Variants in UNC5C observed in about 807,000 individuals in gnomAD.
The protein encoded by UNC5C is unc-5 netrin receptor C.
In UNC5C, 47 loss-of-function variants were observed where a neutral mutation model predicts 99.8. The observed-to-expected ratio is 0.47, with a 90% confidence interval of 0.37 to 0.60. The LOEUF is 0.60. UNC5C is among the 20% of genes least tolerant of loss of function. The pLI is 0.00. For missense variants in UNC5C, 1,062 were observed against 1,165.9 expected, an observed-to-expected ratio of 0.91 and a Z score of 1.30; for synonymous variants, 487 against 452.2, an observed-to-expected ratio of 1.08 and a Z score of -0.98.
At chr4:95,229,797 CTTTTTT>C (rs71583694) in intron 7 of UNC5C, among the ~76,000 whole-genome samples, 278 of 79,508 alleles carry the variant, frequency 3.5e-3, no homozygotes, top group African/African-American at 0.015. Context: ...CTGTTGTTTC[CTTTTTT>C]TTTTTTTTTT....
chr4:95,268,951 G>A (rs935192202), intron 4 of UNC5C, among the ~76,000 whole-genome samples: 12 of 152,130 alleles, frequency 7.9e-5, no homozygotes, highest in African/African-American at 2.9e-4. Context: ...AGCAATTATG[G>A]GGCTATTATC....
chr4:95,486,847 C>CA (rs1721341304), intron 1 of UNC5C, among the ~76,000 whole-genome samples: 2 of 151,380 alleles, frequency 1.3e-5, no homozygotes, highest in Admixed American at 6.6e-5. Flanking sequence ...TGTGTCCCAC[C>CA]AAAAAACCAT....
intron 4 of UNC5C, among the ~76,000 whole-genome samples, chr4:95,262,712 T>C (rs908130524): frequency 6.6e-6 from 1 of 152,148 alleles, no homozygotes; most frequent in African/African-American, 2.4e-5. Flanking sequence ...TGATGACCAA[T>C]GGAAATTTTT....
chr4:95,491,584 C>T (rs538804328), intron 1 of UNC5C, among the ~76,000 whole-genome samples: 8 of 151,678 alleles, frequency 5.3e-5, no homozygotes, highest in African/African-American at 1.7e-4. Flanking sequence ...ATCCTGATTC[C>T]TTCACCCGCT....
chr4:95,350,877 G>A (rs1313439338), intron 1 of UNC5C, among the ~76,000 whole-genome samples: 2 of 152,100 alleles, frequency 1.3e-5, no homozygotes, highest in African/African-American at 4.8e-5. Context: ...TTTTGTAGCT[G>A]TGATTGAGAC....
At chr4:95,537,877 A>G (rs1435960750) in intron 1 of UNC5C, among the ~76,000 whole-genome samples, 2 of 152,130 alleles carry the variant, frequency 1.3e-5, no homozygotes, top group Non-Finnish European at 2.9e-5. Context: ...TAGTTTCAAA[A>G]TACACTGAAA....
intron 3 of UNC5C, among the ~76,000 whole-genome samples, chr4:95,278,868 A>G (rs1740954816): frequency 6.6e-6 from 1 of 152,204 alleles, no homozygotes; most frequent in South Asian, 2.1e-4. Context: ...TTCAGAGGTT[A>G]TGAACTGTTC....
At chr4:95,182,198 T>C (rs1736638394) in intron 14 of UNC5C, among the ~76,000 whole-genome samples, 1 of 152,114 alleles carries the variant, frequency 6.6e-6, no homozygotes, top group South Asian at 2.1e-4. Flanking sequence ...ATTATTTCTG[T>C]AATATGGACA....
At chr4:95,366,828 A>G (rs1462977903) in intron 1 of UNC5C, among the ~76,000 whole-genome samples, 1 of 152,204 alleles carries the variant, frequency 6.6e-6, no homozygotes, top group Non-Finnish European at 1.5e-5. Flanking sequence ...CAAAAGAAAA[A>G]TAACTTTTCT....
chr4:95,507,150 A>G (rs1161303331), intron 1 of UNC5C, among the ~76,000 whole-genome samples: 1 of 152,110 alleles, frequency 6.6e-6, no homozygotes, highest in South Asian at 2.1e-4. Context: ...ATTTGAAACT[A>G]TCAAACATAC....
At chr4:95,206,531 C>T in intron 11 of UNC5C, 97 bp downstream of exon 11, 1 of 1,548,440 alleles carries the variant, frequency 6.5e-7, no homozygotes, top group South Asian at 1.2e-5. Flanking sequence ...AAATTCCACT[C>T]ATGTTTTGCT....
chr4:95,217,903 T>C (rs1039652851), intron 9 of UNC5C, among the ~76,000 whole-genome samples: 20 of 152,226 alleles, frequency 1.3e-4, no homozygotes, highest in African/African-American at 4.6e-4. Context: ...CATTATATAA[T>C]ACATGATCTC....
rs1747632963 is a variant in UNC5C, at chr4:95,462,483, CAA to C, written c.124+86249_124+86250del. On this transcript the variant is annotated intron_variant, in intron 1 of 15. Coordinates refer to ENST00000453304, the MANE Select transcript of UNC5C (RefSeq NM_003728.4). The stretch of plus-strand genomic sequence containing the variant: ...AAATCACTCTAGTGCAGAATATAGT[CAA>C]GTTAACCCTGACTATAAAAATGAAA... Among the ~76,000 whole-genome samples the C allele has an allele frequency of 2.0e-5, 3 of 152,248 alleles. No homozygotes were observed. The East Asian group carries it at 5.8e-4, about 29-fold the overall frequency.
chr4:95,446,368 A>T (rs751454177), intron 1 of UNC5C, among the ~76,000 whole-genome samples: 4 of 152,190 alleles, frequency 2.6e-5, no homozygotes, highest in African/African-American at 7.2e-5. Flanking sequence ...ACTCTGAGGG[A>T]CTACTTAATA....
intron 1 of UNC5C, among the ~76,000 whole-genome samples, chr4:95,546,125 T>C (rs188867313): frequency 2.6e-5 from 4 of 152,330 alleles, no homozygotes; most frequent in Admixed American, 1.3e-4. Flanking sequence ...CTCATCCACA[T>C]TGTAAAGTGC....
At chr4:95,505,513 C>T (rs750553426) in intron 1 of UNC5C, among the ~76,000 whole-genome samples, 2 of 152,066 alleles carry the variant, frequency 1.3e-5, no homozygotes, top group Non-Finnish European at 2.9e-5. Flanking sequence ...CCTAATTATG[C>T]AGTATGCCTT....
chr4:95,297,927 C>T (rs1741720789), intron 3 of UNC5C, among the ~76,000 whole-genome samples: 2 of 152,154 alleles, frequency 1.3e-5, no homozygotes, highest in African/African-American at 4.8e-5. Context: ...AACACAGCAG[C>T]CAGATGACTC....
intron 3 of UNC5C, among the ~76,000 whole-genome samples, chr4:95,283,554 A>T (rs933042920): frequency 6.6e-6 from 1 of 152,242 alleles, no homozygotes; most frequent in African/African-American, 2.4e-5. Context: ...GATTTTAAGC[A>T]TATCTTTTAT....
Position 95,264,032 on chromosome 4 carries a change from T to C in UNC5C, c.595-13365A>G, listed in dbSNP as rs115827513. 5.4e-3 allele frequency among the ~76,000 whole-genome samples: 823 copies of C among 152,334 alleles called. 7 individuals are homozygous for C. The highest frequency in any genetic ancestry group is 0.018 in the African/African-American group (732 of 41,582). On this transcript the variant is annotated intron_variant, in intron 4 of 15. Transcript: ENST00000453304. Reference sequence around the variant, plus strand: ...CCTAAAGACACCATCTATTTATACATTTCCAGATGCTAGAACTCACAGTGT... The same window carrying C: ...CCTAAAGACACCATCTATTTATACACTTCCAGATGCTAGAACTCACAGTGT...
Sources: gnomAD v4.1 joint callset for allele counts (sites outside exome capture counted in the v4.1 genomes callset) on GRCh38, gnomAD v4.1.1 for gene constraint, MANE v1.5 for transcripts, NCBI Gene and HGNC (gene_info 2026-07-23, HGNC 2026-07-21) for gene names.